TRIQK: variants seen among roughly 807,000 people sequenced by gnomAD.
The protein encoded by TRIQK is triple QxxK/R motif-containing protein.
Under a neutral mutation model 10.8 loss-of-function variants are expected in TRIQK, and 10 were observed. The ratio of observed to expected loss-of-function variants is 0.92; its 90% CI spans 0.57 to 1.57. The LOEUF (loss-of-function observed/expected upper bound fraction) is 1.57. Among genes scored for constraint, TRIQK ranks in the 40% most tolerant of loss-of-function variants. TRIQK has a pLI of 0.00. For missense variants in TRIQK, 107 were observed against 97.7 expected (o/e 1.09, Z -0.40); for synonymous variants, 33 against 33.7 (o/e 0.98, Z 0.07).
intron 3 of TRIQK, among the ~76,000 whole-genome samples, chr8:92,913,787 C>T (rs1809689775): frequency 6.6e-6 from 1 of 152,064 alleles, no homozygotes; most frequent in Admixed American, 6.6e-5. Flanking sequence ...TACTATGCAG[C>T]CATAAAAAAT....
At chr8:92,969,012 T>A (rs1812846784), upstream of TRIQK, among the ~76,000 whole-genome samples, 1 of 152,230 alleles carries the variant, frequency 6.6e-6, no homozygotes, top group South Asian at 2.1e-4. Context: ...TTCAGTTTCC[T>A]GCATATAGCT....
chr8:92,928,047 C>T (rs905444691), intron 2 of TRIQK: 7 of 151,858 alleles, frequency 4.6e-5, no homozygotes, highest in African/African-American at 1.5e-4. Context: ...ATTAATAAAG[C>T]GTTTGGGATT....
intron 2 of TRIQK, among the ~76,000 whole-genome samples, chr8:92,930,007 T>C (rs991370844): frequency 1.3e-5 from 2 of 151,622 alleles, no homozygotes. Flanking sequence ...TTAAAAACTT[T>C]CTAAAAGTTG....
chr8:92,895,376 C>T (rs1424366905), intron 3 of TRIQK, among the ~76,000 whole-genome samples: 11 of 151,930 alleles, frequency 7.2e-5, no homozygotes, highest in African/African-American at 2.7e-4. Flanking sequence ...ATAACAAACA[C>T]CTGGAAATGT....
chr8:92,988,006 T>C (rs955291101), intron 1 of TRIQK, among the ~76,000 whole-genome samples: 8 of 129,702 alleles, frequency 6.2e-5, no homozygotes, highest in Non-Finnish European at 9.8e-5. Context: ...CTTTCTTTTT[T>C]TTTTTTTTTT....
chr8:92,928,686 G>A lies in TRIQK; in HGVS notation c.-21-11676C>T, dbSNP rs570143847. On this transcript the variant is annotated intron_variant, in intron 2 of 4. Coordinates refer to ENST00000521988, the MANE Select transcript of TRIQK (RefSeq NM_001171797.2). ...ATATTAGCATTTGAGAAACACAGCTGGAAGTAGATGGGAGGCCTGAGCAGG... is the reference window on the plus strand; with the variant it reads ...ATATTAGCATTTGAGAAACACAGCTAGAAGTAGATGGGAGGCCTGAGCAGG... Among the ~76,000 whole-genome samples the A allele has an allele frequency of 4.1e-4, 62 of 152,338 alleles. 1 individual carries two copies. The South Asian group carries it at 0.012, about 31-fold the overall frequency.
intron 1 of TRIQK, among the ~76,000 whole-genome samples, chr8:92,997,223 A>G (rs1813161416): frequency 6.6e-6 from 1 of 152,084 alleles, no homozygotes; most frequent in African/African-American, 2.4e-5. Context: ...GGTGGGCACC[A>G]GGCACAATAA....
At chr8:92,918,005 C>A (rs1433441232) in intron 2 of TRIQK, among the ~76,000 whole-genome samples, 1 of 151,992 alleles carries the variant, frequency 6.6e-6, no homozygotes, top group African/African-American at 2.4e-5. Flanking sequence ...TGGCTTATTT[C>A]TCTTAACATA....
At chr8:92,898,831 G>GTATATATA (rs1554598322) in intron 3 of TRIQK, among the ~76,000 whole-genome samples, 3 of 66,882 alleles carry the variant, frequency 4.5e-5, no homozygotes, top group African/African-American at 1.8e-4. Context: ...AGGTGTGTGT[G>GTATATATA]TGTATATATA....
chr8:92,898,833 G>GTATATATATATATATATA lies in TRIQK; in HGVS notation c.62-6777_62-6760dup, dbSNP rs67063066. On this transcript the variant is annotated intron_variant, in intron 3 of 4. Coordinates refer to ENST00000521988, the MANE Select transcript of TRIQK (RefSeq NM_001171797.2). ...GCAGGTACATAATAGGTGTGTGTGT[G>GTATATATATATATATATA]TATATATATATATATATATATATAT... is the stretch of plus-strand genomic sequence containing the variant. Among the ~76,000 whole-genome samples the GTATATATATATATATATA allele has an allele frequency of 1.4e-3, 107 of 73,912 alleles. 1 individual carries two copies. The highest frequency in any genetic ancestry group is 9.4e-3 in the Middle Eastern group (1 of 106). 48.5% of individuals were successfully genotyped at this position (73,912 alleles called of 152,430 possible).
chr8:92,949,573 AGAAAGAAAGAGATG>A (rs886877660), intron 2 of TRIQK, among the ~76,000 whole-genome samples: 4 of 150,230 alleles, frequency 2.7e-5, no homozygotes, highest in Non-Finnish European at 5.9e-5. Context: ...AGGGAAGGAA[AGAAAGAAAGAGATG>A]GAAAGAAAGA....
At chr8:92,931,483 A>G (rs1233965686) in intron 2 of TRIQK, among the ~76,000 whole-genome samples, 1 of 152,176 alleles carries the variant, frequency 6.6e-6, no homozygotes, top group Non-Finnish European at 1.5e-5. Context: ...AACAATGCAC[A>G]TTATCATCCC....
chr8:92,930,868 T>C (rs1344997532), intron 2 of TRIQK, among the ~76,000 whole-genome samples: 3 of 152,164 alleles, frequency 2.0e-5, no homozygotes, highest in African/African-American at 7.2e-5. Flanking sequence ...CTTTATTTCA[T>C]CCAGCTGGTA....
intron 1 of TRIQK, among the ~76,000 whole-genome samples, chr8:93,003,778 G>C (rs909729467): frequency 6.6e-6 from 1 of 152,104 alleles, no homozygotes; most frequent in African/African-American, 2.4e-5. Flanking sequence ...ATTCCAAAAG[G>C]AAGAAATTGG....
rs141446676 is a variant in TRIQK, at chr8:92,930,477, T to C, written c.-21-13467A>G. 8.0e-4 allele frequency among the ~76,000 whole-genome samples: 119 copies of C among 149,092 alleles called. 2 individuals carry two copies. The highest frequency in any genetic ancestry group is 7.0e-3 in the Admixed American group (104 of 14,956). ...AGACCCTGTTTTCAGGATTACAAAGTGCTAATACAAGAAGAAACACATATC... is the reference window on the plus strand; with the variant it reads ...AGACCCTGTTTTCAGGATTACAAAGCGCTAATACAAGAAGAAACACATATC... On this transcript the variant is annotated intron_variant, in intron 2 of 4. Coordinates refer to ENST00000521988, the MANE Select transcript of TRIQK (RefSeq NM_001171797.2).
chr8:92,906,829 T>G (rs1586397032), intron 3 of TRIQK, among the ~76,000 whole-genome samples: 1 of 150,822 alleles, frequency 6.6e-6, no homozygotes, highest in South Asian at 2.1e-4. Context: ...GGAGGCGGAG[T>G]TTGCAGTGAG....
chr8:92,933,593 G>A (rs936022101), intron 2 of TRIQK, among the ~76,000 whole-genome samples: 7 of 151,926 alleles, frequency 4.6e-5, no homozygotes, highest in African/African-American at 1.7e-4. Flanking sequence ...CTGCAAAATG[G>A]GTAGATAAAA....
intron 4 of TRIQK, chr8:92,887,057 G>A (rs1816522211): frequency 5.9e-6 from 1 of 168,466 alleles, no homozygotes; most frequent in Non-Finnish European, 1.3e-5. Flanking sequence ...TTCGATACAA[G>A]CAATGCAGTT....
intron 1 of TRIQK, among the ~76,000 whole-genome samples, chr8:92,983,706 A>C (rs2130745377): frequency 6.6e-6 from 1 of 152,166 alleles, no homozygotes; most frequent in Non-Finnish European, 1.5e-5. Context: ...TGTGTGTTTA[A>C]GGTGGAAAGA....
Sources: gnomAD v4.1 joint callset for allele counts (sites outside exome capture counted in the v4.1 genomes callset) on GRCh38, gnomAD v4.1.1 for gene constraint, MANE v1.5 for transcripts, NCBI Gene and HGNC (gene_info 2026-07-23, HGNC 2026-07-21) for gene names.